Variants in USP1 observed in about 807,000 individuals in gnomAD.
The protein encoded by USP1 is ubiquitin specific peptidase 1.
A neutral mutation model predicts 72.2 loss-of-function variants in USP1; 18 were observed. The ratio of observed to expected loss-of-function variants is 0.25; its 90% CI spans 0.17 to 0.37. USP1 has a LOEUF of 0.37. Among genes scored for constraint, USP1 ranks in the 10% least tolerant of loss-of-function variants. The pLI is 1.00. For missense variants in USP1, 759 were observed against 884.9 expected (o/e 0.86, Z 1.81); for synonymous variants, 354 against 303.7 (o/e 1.17, Z -1.72).
chr1:62,442,347 T>G (rs1305164846), intron 4 of USP1, 48 bp downstream of exon 4: 1 of 1,367,776 alleles, frequency 7.3e-7, no homozygotes, highest in Middle Eastern at 1.9e-4. Flanking sequence ...AAAAGTAAAT[T>G]AATGGAAATT....
rs1425631284 is a variant in USP1, at chr1:62,442,188, T to C, written c.292-7T>C. On this transcript the variant is annotated splice_polypyrimidine_tract_variant and splice_region_variant and intron_variant, in intron 3 of 8. Coordinates refer to ENST00000339950, the MANE Select transcript of USP1 (RefSeq NM_003368.5). The stretch of plus-strand genomic sequence containing the variant: ...GTAAACACTTAAGACAATCTCACTT[T>C]TTATAGGTATTATATTTTTGTCCCG... 6.5e-7 allele frequency: 1 copy of C among 1,531,518 alleles called. No individual in the cohort carries two copies. The highest frequency in any genetic ancestry group is 1.2e-5 in the South Asian group (1 of 85,382). The allele number at this position is 1,531,518 out of a possible 1,614,324, so 94.9% of individuals were successfully genotyped here.
At chr1:62,437,563 C>G (rs1251394853) in intron 1 of USP1, among the ~76,000 whole-genome samples, 163 bp downstream of exon 1, 1 of 152,064 alleles carries the variant, frequency 6.6e-6, no homozygotes, top group South Asian at 2.1e-4. Context: ...GCCTGTCTTG[C>G]CGCCGCCGGG....
chr1:62,446,352 A>G (rs1645173892), intron 6 of USP1, among the ~76,000 whole-genome samples: 1 of 152,188 alleles, frequency 6.6e-6, no homozygotes, highest in Non-Finnish European at 1.5e-5. Flanking sequence ...CCAAAAAAAA[A>G]AAAATCAAAA....
At chr1:62,442,841 A>G (rs1037360935) in intron 4 of USP1, among the ~76,000 whole-genome samples, 3 of 152,124 alleles carry the variant, frequency 2.0e-5, no homozygotes, top group Admixed American at 6.5e-5. Context: ...TGTCTTTACT[A>G]AAAATACAAA....
chr1:62,436,454 C>T (rs1165423500), upstream of USP1: 1 of 152,256 alleles, frequency 6.6e-6, no homozygotes. Flanking sequence ...GGCACCGCGC[C>T]TGAGGAACAC....
chr1:62,443,738 C>G (rs1645149801), intron 5 of USP1, among the ~76,000 whole-genome samples: 1 of 152,076 alleles, frequency 6.6e-6, no homozygotes, highest in African/African-American at 2.4e-5. Context: ...GGACTATATT[C>G]AAAATATGTG....
chr1:62,445,261 A>C lies in USP1; in HGVS notation c.1081A>C (p.Ile361Leu), dbSNP rs775318926. The change falls in exon 6 of 9, where the codon ATA becomes CTA. Residue 361 changes from isoleucine to leucine, a missense_variant. Physicochemically the swap from Ile to Leu is conservative, Grantham distance 5. Transcript: ENST00000339950. ...TTCTAAATTTTGTAGTCTGGGAAAA[A>C]TAACAACAAACCAAGGAGTCAAAGG... ...ILSKFCSLGK[I>L]TTNQGVKGQS... The C allele has an allele frequency of 4.2e-5, 67 of 1,612,910 alleles. No individual in the cohort carries two copies. Among genetic ancestry groups the C allele is most frequent in the Non-Finnish European group, 5.4e-5 (64 of 1,179,734 alleles).
rs1432582670 is a variant in USP1, at chr1:62,450,597, G to A, written c.1974G>A (p.Leu658=). ...GAAATACACAGCCAAGTAAAGTTTT[G>A]AACAAAAAAAATGTAGAAGCTATTG... is the stretch of plus-strand genomic sequence containing the variant. ...VGGNTQPSKV[L]NKKNVEAIGL... Residue 658 remains leucine (L), a synonymous_variant, in exon 9 of 9, where the codon TTG becomes TTA. Coordinates refer to ENST00000339950, the MANE Select transcript of USP1 (RefSeq NM_003368.5). 3.1e-6 allele frequency: 5 copies of A among 1,613,428 alleles called. No homozygotes were observed. The African/African-American group carries it at 5.3e-5, about 17-fold the overall frequency.
At chr1:62,445,632 G>GTA (rs200107196) in intron 6 of USP1, among the ~76,000 whole-genome samples, 1 of 123,954 alleles carries the variant, frequency 8.1e-6, no homozygotes, top group African/African-American at 3.8e-5. Context: ...ATATATATGT[G>GTA]TGTGTGTGTG....
chr1:62,443,726 T>C (rs1645149546), intron 5 of USP1, among the ~76,000 whole-genome samples: 1 of 152,206 alleles, frequency 6.6e-6, no homozygotes, highest in South Asian at 2.1e-4. Flanking sequence ...TTAAGAATTA[T>C]AGGACTATAT....
Position 62,437,347 on chromosome 1 carries a change from C to T in USP1, c.-123C>T, listed in dbSNP as rs1645096655. ...CTCACCTGTCGCACCCACACTCATT[C>T]GGGTTGGACTTGCCGGCGTCACCGC... is the stretch of plus-strand genomic sequence containing the variant. On this transcript the variant is annotated 5_prime_UTR_variant, in exon 1 of 9. Transcript: ENST00000339950. The T allele has an allele frequency of 1.0e-5, 4 of 395,252 alleles. No homozygotes were observed. The Admixed American group carries it at 1.8e-4, about 17-fold the overall frequency. 24.5% of individuals were successfully genotyped at this position (395,252 alleles called of 1,614,324 possible). A position where few individuals can be genotyped will look rare whatever the true frequency, so the allele number is the denominator to read the frequency against.
At chr1:62,437,976 C>T (rs369179030) in intron 1 of USP1, among the ~76,000 whole-genome samples, 75 of 152,214 alleles carry the variant, frequency 4.9e-4, no homozygotes, top group African/African-American at 1.7e-3. Flanking sequence ...AGATAATGGT[C>T]GATTCGTCGT....
chr1:62,439,473 G>A (rs2149203997), intron 1 of USP1, among the ~76,000 whole-genome samples: 1 of 152,164 alleles, frequency 6.6e-6, no homozygotes, highest in East Asian at 1.9e-4. Flanking sequence ...GTGAGCTATC[G>A]CTTCCGGCCC....
intron 6 of USP1, among the ~76,000 whole-genome samples, chr1:62,446,264 C>G (rs1571137140): frequency 2.6e-5 from 4 of 152,002 alleles, no homozygotes; most frequent in Admixed American, 6.6e-5. Context: ...GGTATCTAAT[C>G]TTTTGGCTTC....
In USP1 at chr1:62,445,293, T is replaced by C. The variant is rs754162156; in HGVS notation, c.1113T>C (p.Ser371=). 8.9e-5 allele frequency: 144 copies of C among 1,613,566 alleles called. No individual in the cohort carries two copies. The highest frequency in any genetic ancestry group is 3.0e-4 in the Admixed American group (18 of 59,942). The change falls in exon 6 of 9, where the codon TCT becomes TCC. Residue 371 remains serine (S), a synonymous_variant. Coordinates refer to ENST00000339950, the MANE Select transcript of USP1 (RefSeq NM_003368.5). ...ITTNQGVKGQ[S]KENECDPEED... Reference sequence around the variant, plus strand: ...CAAACCAAGGAGTCAAAGGACAATCTAAAGAAAATGAATGTGATCCTGAAG... The same window carrying C: ...CAAACCAAGGAGTCAAAGGACAATCCAAAGAAAATGAATGTGATCCTGAAG...
In USP1 at chr1:62,444,280, AGG is replaced by A. The variant is rs1557555479; in HGVS notation, c.558-457_558-456del. On this transcript the variant is annotated intron_variant, in intron 5 of 8. Coordinates refer to ENST00000339950, the MANE Select transcript of USP1 (RefSeq NM_003368.5). ...GTCTCCAAAAAAAAAAAAAAAAAAA[AGG>A]CCATTGTAGCGTGGTGGCCAAGAGC... Among the ~76,000 whole-genome samples, 9 of 64,278 alleles carry A rather than the reference AGG, an allele frequency of 1.4e-4. 1 individual carries two copies. Among genetic ancestry groups the A allele is most frequent in the African/African-American group, 5.6e-4 (8 of 14,414 alleles). The allele number at this position is 64,278 out of a possible 152,430, so 42.2% of individuals were successfully genotyped here.
At chr1:62,447,540 C>T in intron 7 of USP1, 29 bp downstream of exon 7, 1 of 1,587,250 alleles carries the variant, frequency 6.3e-7, no homozygotes, top group Non-Finnish European at 8.5e-7. Flanking sequence ...TTGTGTGGAC[C>T]ATGATGGAAT....
rs1039042282 is a variant in USP1, at chr1:62,437,393, A to C, written c.-77A>C. On this transcript the variant is annotated 5_prime_UTR_variant, in exon 1 of 9. It removes an upstream start codon present in the reference 5' UTR. Coordinates refer to ENST00000339950, the MANE Select transcript of USP1 (RefSeq NM_003368.5). ...ACCGCCGCGGACTTCGCTTTGGGCCATGACCAGGTAAGGAGGGCCTGGGAG... is the reference window on the plus strand; with the variant it reads ...ACCGCCGCGGACTTCGCTTTGGGCCCTGACCAGGTAAGGAGGGCCTGGGAG... 2.6e-6 allele frequency: 1 copy of C among 383,392 alleles called. No individual in the cohort carries two copies. Among genetic ancestry groups the C allele is most frequent in the African/African-American group, 2.1e-5 (1 of 48,156 alleles). The allele number at this position is 383,392 out of a possible 1,614,324, so 23.7% of individuals were successfully genotyped here.
At chr1:62,441,309 C>G (rs1645132650) in intron 2 of USP1, among the ~76,000 whole-genome samples, 179 bp from the exon 3 acceptor site, 1 of 152,070 alleles carries the variant, frequency 6.6e-6, no homozygotes, top group African/African-American at 2.4e-5. Flanking sequence ...GCTTTTAAAA[C>G]TTTTATTCTG....
Sources: gnomAD v4.1 joint callset for allele counts (sites outside exome capture counted in the v4.1 genomes callset) on GRCh38, gnomAD v4.1.1 for gene constraint, MANE v1.5 for transcripts, NCBI Gene and HGNC (gene_info 2026-07-23, HGNC 2026-07-21) for gene names.